Variants in ANKH observed in about 807,000 individuals in gnomAD.
ANKH encodes the protein ANKH inorganic pyrophosphate transport regulator.
In ANKH, 15 loss-of-function variants were observed where a neutral mutation model predicts 49.0. The observed-to-expected ratio is 0.31, with a 90% confidence interval of 0.20 to 0.47. The LOEUF is 0.47. ANKH is among the 20% of genes least tolerant of loss of function. ANKH has a pLI of 1.00. For synonymous variants in ANKH, 273 were observed against 260.0 expected (o/e 1.05, Z -0.48); for missense variants, 429 against 652.0 (o/e 0.66, Z 3.72).
At chr5:14,815,629 A>G (rs1741012099) in intron 1 of ANKH, among the ~76,000 whole-genome samples, 2 of 152,212 alleles carry the variant, frequency 1.3e-5, no homozygotes, top group East Asian at 1.9e-4. Flanking sequence ...CATGGATGAC[A>G]AAGTACTCGT....
chr5:14,724,454 G>A (rs1408118676), intron 8 of ANKH: 1 of 695,328 alleles, frequency 1.4e-6, no homozygotes, highest in African/African-American at 2.0e-5. Flanking sequence ...GCTAAGTCAT[G>A]AAAAACTTTG....
chr5:14,764,004 CCTG>C, intron 2 of ANKH, among the ~76,000 whole-genome samples: 1 of 151,950 alleles, frequency 6.6e-6, no homozygotes, highest in Non-Finnish European at 1.5e-5. Context: ...CAGGAGAATG[CCTG>C]AGCCTGGGAG....
intron 2 of ANKH, among the ~76,000 whole-genome samples, chr5:14,759,110 T>C (rs780003315): frequency 1.3e-5 from 2 of 152,228 alleles, no homozygotes; most frequent in Non-Finnish European, 2.9e-5. Context: ...GATGTTAATA[T>C]GCCTTTCCAT....
chr5:14,759,257 C>G (rs1738997624), intron 2 of ANKH, among the ~76,000 whole-genome samples: 1 of 152,120 alleles, frequency 6.6e-6, no homozygotes, highest in Non-Finnish European at 1.5e-5. Context: ...CTTCCAATAT[C>G]AGAATTTGTT....
intron 1 of ANKH, among the ~76,000 whole-genome samples, chr5:14,866,674 C>G (rs912225893): frequency 6.6e-6 from 1 of 152,078 alleles, no homozygotes; most frequent in African/African-American, 2.4e-5. Context: ...GACCAAGTGA[C>G]TTCTAAATAA....
intron 3 of ANKH, among the ~76,000 whole-genome samples, chr5:14,756,459 GA>G: frequency 6.6e-6 from 1 of 152,334 alleles, no homozygotes; most frequent in East Asian, 1.9e-4. Context: ...AAGATGCTAC[GA>G]GGGGAGCAGA....
At chr5:14,840,817 C>T (rs1741793881) in intron 1 of ANKH, among the ~76,000 whole-genome samples, 2 of 152,164 alleles carry the variant, frequency 1.3e-5, no homozygotes, top group Non-Finnish European at 2.9e-5. Flanking sequence ...GTTCTGACAC[C>T]TAAAGACAGC....
At chr5:14,776,132 G>A (rs568562661) in intron 1 of ANKH, among the ~76,000 whole-genome samples, 1 of 152,316 alleles carries the variant, frequency 6.6e-6, no homozygotes, top group East Asian at 1.9e-4. Flanking sequence ...GCATCCTCCT[G>A]GGCATGAGAA....
chr5:14,871,088 TA>T, intron 1 of ANKH: 1 of 595,606 alleles, frequency 1.7e-6, no homozygotes, highest in Non-Finnish European at 3.1e-6. Flanking sequence ...TGCCGTGCAC[TA>T]AAAACCCTTC....
chr5:14,858,933 T>C (rs1363404595), intron 1 of ANKH, among the ~76,000 whole-genome samples: 1 of 151,872 alleles, frequency 6.6e-6, no homozygotes, highest in African/African-American at 2.4e-5. Flanking sequence ...ATTAATAAAT[T>C]TAGTCTTTTT....
chr5:14,755,760 G>T, intron 4 of ANKH, 101 bp downstream of exon 4: 2 of 1,115,904 alleles, frequency 1.8e-6, no homozygotes, highest in Non-Finnish European at 2.7e-6. Flanking sequence ...CAGGTCGAAT[G>T]CAGAGTGTAC....
chr5:14,767,149 C>T (rs781604177), intron 2 of ANKH, among the ~76,000 whole-genome samples: 3 of 151,940 alleles, frequency 2.0e-5, no homozygotes, highest in Non-Finnish European at 4.4e-5. Context: ...CTTGTGGCCA[C>T]GATTATGGGA....
intron 1 of ANKH, among the ~76,000 whole-genome samples, chr5:14,834,501 C>G (rs954330196): frequency 2.0e-5 from 3 of 152,168 alleles, no homozygotes; most frequent in Middle Eastern, 3.2e-3. Flanking sequence ...AAAGATCTGG[C>G]CGGGCGCAGT....
intron 9 of ANKH, among the ~76,000 whole-genome samples, chr5:14,715,832 A>C (rs1357667280): frequency 6.6e-6 from 1 of 152,200 alleles, no homozygotes; most frequent in Admixed American, 6.5e-5. Context: ...ACCTCACACC[A>C]CTATATTGGC....
Position 14,725,839 on chromosome 5 carries a change from G to A in ANKH, c.1012-9004C>T, listed in dbSNP as rs142964974. Among the ~76,000 whole-genome samples, 806 of 152,278 alleles carry A rather than the reference G, an allele frequency of 5.3e-3. 11 individuals are homozygous for A. Among genetic ancestry groups the A allele is most frequent in the African/African-American group, 0.018 (764 of 41,558 alleles). The stretch of plus-strand genomic sequence containing the variant: ...TGGCTCACTGCAATCTCCGCTTCCC[G>A]GGTTCAAGAGATTCTCCCGCCTCAG... On this transcript the variant is annotated intron_variant, in intron 8 of 11. Coordinates refer to ENST00000284268, the MANE Select transcript of ANKH (RefSeq NM_054027.6). The surrounding 1 kb of genome is among the most constrained non-coding windows in gnomAD (Gnocchi z 4.0).
chr5:14,811,290 G>A (rs919889790), intron 1 of ANKH, among the ~76,000 whole-genome samples: 7 of 152,110 alleles, frequency 4.6e-5, no homozygotes, highest in South Asian at 2.1e-4. Flanking sequence ...ACAGCACAGC[G>A]ACAGGGAAGG....
At chr5:14,755,090 T>C (rs1443279169) in intron 4 of ANKH, among the ~76,000 whole-genome samples, 2 of 151,086 alleles carry the variant, frequency 1.3e-5, no homozygotes, top group Non-Finnish European at 2.9e-5. Context: ...ACATGAGAAT[T>C]TGGAAAGGCA....
At chr5:14,721,285 C>T (rs1222779561) in intron 8 of ANKH, among the ~76,000 whole-genome samples, 2 of 152,220 alleles carry the variant, frequency 1.3e-5, no homozygotes, top group East Asian at 3.9e-4. Flanking sequence ...TTATCTTGGT[C>T]TGTGCTGAGC....
At chr5:14,793,266 G>A (rs1272645328) in intron 1 of ANKH, among the ~76,000 whole-genome samples, 1 of 151,308 alleles carries the variant, frequency 6.6e-6, no homozygotes, top group Non-Finnish European at 1.5e-5. Context: ...TAAGGGTTCT[G>A]GGGCTGGAAA....
Sources: gnomAD v4.1 joint callset for allele counts (sites outside exome capture counted in the v4.1 genomes callset) on GRCh38, gnomAD v4.1.1 for gene constraint, Gnocchi (gnomAD v3.1) non-coding constraint, MANE v1.5 for transcripts, NCBI Gene and HGNC (gene_info 2026-07-23, HGNC 2026-07-21) for gene names.